The following CACNB4 variants were observed in gnomAD, a reference collection of about 807,000 sequenced individuals.
CACNB4 encodes the protein voltage-dependent L-type calcium channel subunit beta-4.
CACNB4 carries 32 observed loss-of-function variants against 71.2 expected under a neutral mutation model. The observed-to-expected ratio is 0.45, with a 90% CI of 0.34 to 0.60. CACNB4 has a LOEUF of 0.60. Ranked by LOEUF, CACNB4 falls within the 20% of genes least tolerant of loss-of-function variation. CACNB4 has a pLI of 0.01. For missense variants in CACNB4, 464 were observed against 647.9 expected, an observed-to-expected ratio of 0.72 and a Z score of 3.08; for synonymous variants, 231 against 236.9, an observed-to-expected ratio of 0.97 and a Z score of 0.23.
At chr2:151,850,141 C>CTTTCTTTTTTTTTTT (rs1553744905) in intron 12 of CACNB4, 1 of 98,162 alleles carries the variant, frequency 1.0e-5, no homozygotes, top group East Asian at 3.9e-4. Context: ...TTCTTTCTTT[C>CTTTCTTTTTTTTTTT]TTTTTTTTTT....
intron 2 of CACNB4, 63 bp from the exon 3 acceptor site, chr2:151,883,433 C>T: frequency 6.4e-7 from 1 of 1,561,464 alleles, no homozygotes; most frequent in Non-Finnish European, 8.8e-7. Flanking sequence ...ACATCCATAA[C>T]AGTATCCTGG....
At chr2:151,873,876 G>A (rs1404363713) in intron 5 of CACNB4, 1 of 152,238 alleles carries the variant, frequency 6.6e-6, no homozygotes, top group African/African-American at 2.4e-5. Context: ...GTGGGGACTG[G>A]TGAGAGGTGA....
At chr2:152,059,838 C>G (rs147222087) in intron 2 of CACNB4, among the ~76,000 whole-genome samples, 6 of 152,322 alleles carry the variant, frequency 3.9e-5, no homozygotes, top group Admixed American at 3.9e-4. Context: ...GCAATCCACA[C>G]ATGTCTAGGG....
intron 2 of CACNB4, among the ~76,000 whole-genome samples, chr2:151,919,439 G>A (rs928460234): frequency 6.6e-6 from 1 of 152,150 alleles, no homozygotes; most frequent in Non-Finnish European, 1.5e-5. Flanking sequence ...CCAAGCTACA[G>A]GCAGGCTTAT....
intron 10 of CACNB4, chr2:151,858,986 T>C (rs1295798806): frequency 6.6e-6 from 1 of 152,204 alleles, no homozygotes; most frequent in African/African-American, 2.4e-5. Context: ...TAAGATACTG[T>C]GTGTGGGTTA....
chr2:151,968,599 C>T (rs545799849), intron 2 of CACNB4: 5 of 152,098 alleles, frequency 3.3e-5, no homozygotes, highest in Admixed American at 2.6e-4. Context: ...CCAAGCTGAA[C>T]CCCACAGAAA....
intron 2 of CACNB4, among the ~76,000 whole-genome samples, chr2:152,001,887 G>C (rs1682444029): frequency 6.6e-6 from 1 of 152,166 alleles, no homozygotes; most frequent in Non-Finnish European, 1.5e-5. Context: ...TCCTCATCAG[G>C]AGGATGCCAA....
chr2:151,966,644 A>G (rs1220409429), intron 2 of CACNB4, among the ~76,000 whole-genome samples: 2 of 152,146 alleles, frequency 1.3e-5, no homozygotes, highest in East Asian at 1.9e-4. Flanking sequence ...TGAACTAATC[A>G]TAAGGCCTTT....
intron 2 of CACNB4, among the ~76,000 whole-genome samples, chr2:151,934,253 T>C (rs1019983080): frequency 2.6e-5 from 4 of 152,194 alleles, no homozygotes; most frequent in African/African-American, 9.7e-5. Flanking sequence ...ACTTGGGAAA[T>C]GTAAAAATGT....
intron 2 of CACNB4, among the ~76,000 whole-genome samples, chr2:151,916,940 G>A (rs980937987): frequency 2.0e-5 from 3 of 152,118 alleles, no homozygotes; most frequent in East Asian, 1.9e-4. Context: ...TTATCTAGTC[G>A]GAAATGTCAG....
intron 2 of CACNB4, among the ~76,000 whole-genome samples, chr2:151,930,026 A>G (rs1372186710): frequency 6.6e-6 from 1 of 152,306 alleles, no homozygotes; most frequent in East Asian, 1.9e-4. Context: ...ACAGAAAAAT[A>G]AATTCGTGAT....
intron 2 of CACNB4, chr2:151,973,615 G>C: frequency 1.3e-6 from 2 of 1,515,362 alleles, no homozygotes; most frequent in Admixed American, 1.7e-5. Context: ...GGAGGGGATA[G>C]TGGGAGGAGG....
rs189368077 is a variant in CACNB4 at position 151,890,640 on chromosome 2, C to A, written c.148-7270G>T. On this transcript the variant is annotated intron_variant, in intron 2 of 13. Transcript: ENST00000539935. ...AAACATCAAACATTTTAGCTGCCTT[C>A]AGTAAAACAAAATAACATTCCTCAG... is the stretch of plus-strand genomic sequence containing the variant. Among the ~76,000 whole-genome samples, 79 of 152,270 alleles carry A rather than the reference C, an allele frequency of 5.2e-4. 1 individual carries two copies. The highest frequency in any genetic ancestry group is 1.7e-3 in the African/African-American group (69 of 41,558).
In CACNB4 at chr2:152,098,564, G is replaced by GCGC; in HGVS notation, c.64-152_64-151insGCG. On this transcript the variant is annotated intron_variant, in intron 1 of 13. Coordinates refer to ENST00000539935, the MANE Select transcript of CACNB4 (RefSeq NM_000726.5). This position sits in a 1 kb window ranked among gnomAD's most constrained non-coding sequence, Gnocchi z 5.3. ...GTCTCCTCCGCGACTCCCAAATACAGCCCCCACCCCCACCCACCCACTGCA... is the reference window on the plus strand; with the variant it reads ...GTCTCCTCCGCGACTCCCAAATACAGCGCCCCCCACCCCCACCCACCCACTGCA... 1.1e-6 allele frequency: 1 copy of GCGC among 931,266 alleles called. No individual in the cohort carries two copies. The highest frequency in any genetic ancestry group is 1.7e-6 in the Non-Finnish European group (1 of 583,192). 57.7% of individuals were successfully genotyped at this position (931,266 alleles called of 1,614,324 possible).
rs1234044066 is a variant in CACNB4 at position 151,837,273 on chromosome 2, C to T, written c.*1846G>A. On this transcript the variant is annotated 3_prime_UTR_variant, in exon 14 of 14. Coordinates refer to ENST00000539935, the MANE Select transcript of CACNB4 (RefSeq NM_000726.5). ...TGTATCAAATATTTGAAATGACTTA[C>T]AGAATTATAGGTATCCTCATTATCA... 2 of 151,892 alleles carry T rather than the reference C, an allele frequency of 1.3e-5. No homozygotes were observed. The allele number at this position is 151,892 out of a possible 1,614,324, so 9.4% of individuals were successfully genotyped here.
chr2:152,041,747 T>C (rs1462762052), intron 2 of CACNB4, among the ~76,000 whole-genome samples: 1 of 152,234 alleles, frequency 6.6e-6, no homozygotes, highest in Non-Finnish European at 1.5e-5. Context: ...TGACTTCTCT[T>C]TCTTCTTCCA....
rs1688426824 is a variant in CACNB4, at chr2:152,098,736, G to T, written c.63+213C>A. 3 of 1,536,644 alleles carry T rather than the reference G, an allele frequency of 2.0e-6. No homozygotes were observed. The East Asian group carries it at 7.3e-5, about 37-fold the overall frequency. On this transcript the variant is annotated intron_variant, in intron 1 of 13. Transcript: ENST00000539935. This position sits in a 1 kb window ranked among gnomAD's most constrained non-coding sequence, Gnocchi z 5.3. Reference sequence around the variant, plus strand: ...CTCCGGAGCGGGAGCGCAGAGACCCGAAGGAGGGTGAGGAGGAGGAGGAAG... The same window carrying T: ...CTCCGGAGCGGGAGCGCAGAGACCCTAAGGAGGGTGAGGAGGAGGAGGAAG...
At chr2:152,035,324 G>A (rs1038827272) in intron 2 of CACNB4, among the ~76,000 whole-genome samples, 1 of 152,204 alleles carries the variant, frequency 6.6e-6, no homozygotes, top group Non-Finnish European at 1.5e-5. Flanking sequence ...ACTTTGGGAG[G>A]CCAAGGCAGG....
chr2:151,927,066 C>T (rs1012731868), intron 2 of CACNB4, among the ~76,000 whole-genome samples: 2 of 152,122 alleles, frequency 1.3e-5, no homozygotes, highest in Admixed American at 1.3e-4. Context: ...AAGGAGTCCA[C>T]GGCTTCACCA....
Sources: gnomAD v4.1 joint callset for allele counts (sites outside exome capture counted in the v4.1 genomes callset) on GRCh38, gnomAD v4.1.1 for gene constraint, Gnocchi (gnomAD v3.1) non-coding constraint, MANE v1.5 for transcripts, NCBI Gene and HGNC (gene_info 2026-07-23, HGNC 2026-07-21) for gene names.